Variants in PIP4K2A observed in about 807,000 individuals in gnomAD.
PIP4K2A encodes phosphatidylinositol 5-phosphate 4-kinase type-2 alpha.
Under a neutral mutation model 42.9 loss-of-function variants are expected in PIP4K2A, and 14 were observed. The ratio of observed to expected loss-of-function variants is 0.33; its 90% CI spans 0.22 to 0.51. The LOEUF is 0.51. Among genes scored for constraint, PIP4K2A ranks in the 20% least tolerant of loss-of-function variants. The pLI is 0.97. For missense variants in PIP4K2A, 434 were observed against 519.8 expected (o/e 0.83, Z 1.61); for synonymous variants, 192 against 192.2 (o/e 1.00, Z 0.01).
At chr10:22,563,236 TA>T (rs1303581751) in intron 6 of PIP4K2A, among the ~76,000 whole-genome samples, 3 of 152,190 alleles carry the variant, frequency 2.0e-5, no homozygotes, top group African/African-American at 7.2e-5. Context: ...GAATAAGAGT[TA>T]TTAGAAACCT....
chr10:22,591,708 T>C lies in PIP4K2A; in HGVS notation c.413A>G (p.Tyr138Cys), dbSNP rs771836697. Residue 138 changes from tyrosine to cysteine, a missense_variant, in exon 4 of 10, where the codon TAC becomes TGC. Around this residue, in one of 2 missense-constraint regions of PIP4K2A, gnomAD observed 395 missense variants for 444.5 expected, o/e 0.89. Transcript: ENST00000376573. ...ARSGARFHTS[Y>C]DKRYIIKTIT... ...AGTCTTGATGATGTATCTTTTGTCG[T>C]AGGAAGTGTGAAAACGAGCTCCACT... 16 of 1,613,510 alleles carry C rather than the reference T, an allele frequency of 9.9e-6. No homozygotes were observed. In the Middle Eastern group the frequency reaches 1.2e-3, roughly 116 times the overall value.
At chr10:22,538,803 G>GT (rs1836007088) in intron 9 of PIP4K2A, among the ~76,000 whole-genome samples, 2 of 138,608 alleles carry the variant, frequency 1.4e-5, no homozygotes, top group South Asian at 2.2e-4. Context: ...GTGCTCGGGG[G>GT]CGGTGAGGTC....
At chr10:22,560,811 C>A (rs186466121) in intron 6 of PIP4K2A, among the ~76,000 whole-genome samples, 385 of 152,258 alleles carry the variant, frequency 2.5e-3, no homozygotes, top group African/African-American at 7.8e-3. Flanking sequence ...GGATGATGAA[C>A]AAAATGCATA....
At chr10:22,613,719 T>A (rs1258913677) in intron 1 of PIP4K2A, among the ~76,000 whole-genome samples, 1 of 152,206 alleles carries the variant, frequency 6.6e-6, no homozygotes, top group Admixed American at 6.5e-5. Flanking sequence ...CAGTTTGTGA[T>A]GGTTCACGTA....
intron 3 of PIP4K2A, among the ~76,000 whole-genome samples, chr10:22,593,210 C>T (rs10741007): frequency 0.96 from 146,318 of 152,320 alleles, 70,331 homozygotes; most frequent in East Asian, 1. Context: ...CACCCTGGCA[C>T]CCCCTGTGGT....
chr10:22,605,662 T>C (rs1029611132), intron 3 of PIP4K2A, among the ~76,000 whole-genome samples: 4 of 152,150 alleles, frequency 2.6e-5, no homozygotes, highest in African/African-American at 4.8e-5. Flanking sequence ...CAAGATAAGA[T>C]AGATGCATGG....
rs538434579 is a variant in PIP4K2A, at chr10:22,602,166, G to A, written c.339+5761C>T. 2.0e-5 allele frequency among the ~76,000 whole-genome samples: 3 copies of A among 152,276 alleles called. No individual in the cohort carries two copies. The East Asian group carries it at 5.8e-4, about 29-fold the overall frequency. On this transcript the variant is annotated intron_variant, in intron 3 of 9. Transcript: ENST00000376573. ...CCAGTACTTTGGGAGGCTAAGGTGG[G>A]TGGATCGCTTGAGCCCAGGAGTTCG...
At chr10:22,683,476 T>G (rs534433311) in intron 1 of PIP4K2A, among the ~76,000 whole-genome samples, 2 of 152,294 alleles carry the variant, frequency 1.3e-5, no homozygotes, top group South Asian at 4.1e-4. Flanking sequence ...TACTCTGATC[T>G]GTTTGCTCAT....
At chr10:22,548,361 G>A (rs1351697048) in intron 7 of PIP4K2A, among the ~76,000 whole-genome samples, 2 of 152,110 alleles carry the variant, frequency 1.3e-5, no homozygotes, top group African/African-American at 2.4e-5. Flanking sequence ...GAGCTAAGAG[G>A]ATCCTTCTGT....
chr10:22,683,846 C>T (rs1438052032), intron 1 of PIP4K2A, among the ~76,000 whole-genome samples: 1 of 151,040 alleles, frequency 6.6e-6, no homozygotes, highest in East Asian at 2.0e-4. Flanking sequence ...CACACACACA[C>T]ACACACACAC....
intron 6 of PIP4K2A, among the ~76,000 whole-genome samples, chr10:22,564,753 A>G (rs1836798803): frequency 1.3e-5 from 2 of 152,166 alleles, no homozygotes; most frequent in African/African-American, 4.8e-5. Flanking sequence ...AAAAGGGCAA[A>G]TGGCCAAAGA....
chr10:22,548,945 T>C (rs1836324673), intron 7 of PIP4K2A, among the ~76,000 whole-genome samples: 1 of 152,062 alleles, frequency 6.6e-6, no homozygotes, highest in Non-Finnish European at 1.5e-5. Context: ...TCCCAGCTAC[T>C]ATGGAGGCTG....
At chr10:22,628,670 G>A (rs1628535) in intron 1 of PIP4K2A, among the ~76,000 whole-genome samples, 9,696 of 152,236 alleles carry the variant, frequency 0.064, 460 homozygotes, top group African/African-American at 0.13. Context: ...GGGGAAGGCA[G>A]GCCTTCCAGG....
intron 3 of PIP4K2A, among the ~76,000 whole-genome samples, chr10:22,596,205 C>CAAAAAAAAAAAAAAAAAAAAAAA (rs10681238): frequency 1.0e-4 from 7 of 69,664 alleles, no homozygotes; most frequent in African/African-American, 4.4e-4. Context: ...AACTCCGTCT[C>CAAAAAAAAAAAAAAAAAAAAAAA]AAAAAAAAAA....
At chr10:22,567,329 C>T (rs1423582571) in intron 6 of PIP4K2A, among the ~76,000 whole-genome samples, 1 of 152,116 alleles carries the variant, frequency 6.6e-6, no homozygotes, top group African/African-American at 2.4e-5. Context: ...AAAAGAGATG[C>T]AGTCTTCTTA....
At chr10:22,618,654 G>A (rs945329950) in intron 1 of PIP4K2A, among the ~76,000 whole-genome samples, 1 of 152,152 alleles carries the variant, frequency 6.6e-6, no homozygotes, top group Non-Finnish European at 1.5e-5. Flanking sequence ...TCTCTCCAGA[G>A]CTATCTGCAC....
At chr10:22,625,649 G>C (rs758142884) in intron 1 of PIP4K2A, among the ~76,000 whole-genome samples, 1 of 152,150 alleles carries the variant, frequency 6.6e-6, no homozygotes, top group Non-Finnish European at 1.5e-5. Flanking sequence ...TTTGTGATAC[G>C]ATCCTCTCCT....
intron 1 of PIP4K2A, among the ~76,000 whole-genome samples, chr10:22,672,581 G>T (rs966850208): frequency 2.0e-5 from 3 of 152,166 alleles, no homozygotes; most frequent in Non-Finnish European, 2.9e-5. Flanking sequence ...TGCACACAAA[G>T]GGCATGGGAG....
At chr10:22,602,893 C>T (rs544594322) in intron 3 of PIP4K2A, among the ~76,000 whole-genome samples, 3 of 152,174 alleles carry the variant, frequency 2.0e-5, no homozygotes, top group South Asian at 2.1e-4. Context: ...TTGTGCTCAA[C>T]GGGTGACAGG....
Sources: gnomAD v4.1 joint callset for allele counts (sites outside exome capture counted in the v4.1 genomes callset) on GRCh38, gnomAD v4.1.1 for gene constraint, gnomAD v4.1.1 regional missense constraint, MANE v1.5 for transcripts, NCBI Gene and HGNC (gene_info 2026-07-23, HGNC 2026-07-21) for gene names.